The following TTC21B variants were observed in gnomAD, a reference collection of about 807,000 sequenced individuals.
TTC21B encodes the protein tetratricopeptide repeat domain 21B, also known as tetratricopeptide repeat protein 21B.
Under a neutral mutation model 175.1 loss-of-function variants are expected in TTC21B, and 127 were observed. The ratio of observed to expected loss-of-function variants is 0.73; its 90% CI spans 0.63 to 0.84. The LOEUF is 0.84. TTC21B is among the 40% of genes least tolerant of loss of function. The pLI, the probability that TTC21B is intolerant of heterozygous loss-of-function variation, is 0.00. For missense variants in TTC21B, 1,561 were observed against 1,558.3 expected, an observed-to-expected ratio of 1.00 and a Z score of -0.03; for synonymous variants, 524 against 524.5, an observed-to-expected ratio of 1.00 and a Z score of 0.01.
At chr2:165,923,186 T>C (rs116371732) in intron 12 of TTC21B, among the ~76,000 whole-genome samples, 1 of 151,988 alleles carries the variant, frequency 6.6e-6, no homozygotes, top group Admixed American at 6.5e-5. Context: ...TTCAGCACTA[T>C]ACAATTCATC....
chr2:165,951,313 C>G (rs189537170), intron 1 of TTC21B, among the ~76,000 whole-genome samples: 4 of 152,164 alleles, frequency 2.6e-5, no homozygotes, highest in Admixed American at 2.6e-4. Context: ...CTTACAACGC[C>G]TCAGTCTGCT....
intron 26 of TTC21B, among the ~76,000 whole-genome samples, chr2:165,883,516 A>G (rs932740175): frequency 6.6e-6 from 1 of 152,256 alleles, no homozygotes; most frequent in African/African-American, 2.4e-5. Context: ...GGATAATCAC[A>G]GGCAATCGTT....
chr2:165,930,050 G>T, intron 9 of TTC21B, 122 bp downstream of exon 9: 1 of 871,952 alleles, frequency 1.1e-6, no homozygotes, highest in South Asian at 1.5e-5. Context: ...TCGAGTGTGG[G>T]CAGTAGAGAA....
intron 22 of TTC21B, among the ~76,000 whole-genome samples, chr2:165,896,176 A>G (rs113462170): frequency 0.018 from 2,800 of 152,100 alleles, 80 homozygotes; most frequent in African/African-American, 0.063. Flanking sequence ...GGGGTTTAGA[A>G]GAACTGAAAC....
chr2:165,929,837 CT>C, intron 9 of TTC21B, 90 bp from the exon 10 acceptor site: 1 of 869,224 alleles, frequency 1.2e-6, no homozygotes, highest in Non-Finnish European at 1.9e-6. Flanking sequence ...ATAAAACACC[CT>C]TTCCCCCATC....
At position 165,941,162 on chromosome 2, in the gene TTC21B, T is replaced by C. The variant is rs769057187; in HGVS notation, c.575A>G (p.Gln192Arg). Residue 192 changes from glutamine to arginine, a missense_variant, in exon 6 of 29, where the codon CAG becomes CGG. By Grantham distance (43) the Gln-to-Arg change is conservative. Transcript: ENST00000243344. ...LGKAQCLEMR[Q>R]NYSGALETVN... ...AGTCTCCAGGGCACCTGAATAATTCTGGCGCATCTCAAGGCATTGTGCCTA... is the reference window on the plus strand; with the variant it reads ...AGTCTCCAGGGCACCTGAATAATTCCGGCGCATCTCAAGGCATTGTGCCTA... 11 of 1,613,832 alleles carry C rather than the reference T, an allele frequency of 6.8e-6. No homozygotes were observed. The African/African-American group carries it at 1.3e-4, about 20-fold the overall frequency.
rs1687436733 is a variant in TTC21B, at chr2:165,943,299, C to T, written c.472G>A (p.Glu158Lys). The T allele has an allele frequency of 6.2e-7, 1 of 1,611,174 alleles. No individual in the cohort carries two copies. The highest frequency in any genetic ancestry group is 1.3e-5 in the African/African-American group (1 of 74,858). ...KAWLDITRGK[E>K]PYTKKALKYF... ...TTCAGTGCTTTTTTAGTGTAAGGCT[C>T]TTTTCCTCTTGTAATATCAAGCCAT... Residue 158 changes from glutamate (E) to lysine (K), a missense_variant, in exon 5 of 29, where the codon GAG (glutamate) becomes AAG (lysine). Coordinates refer to ENST00000243344, the MANE Select transcript of TTC21B (RefSeq NM_024753.5).
chr2:165,888,727 T>C (rs1036346041), intron 24 of TTC21B, among the ~76,000 whole-genome samples: 2 of 152,178 alleles, frequency 1.3e-5, no homozygotes, highest in African/African-American at 4.8e-5. Context: ...TCCTCTAGAA[T>C]GAAGACAAAA....
At chr2:165,943,067 T>C in intron 5 of TTC21B, 152 bp downstream of exon 5, 1 of 732,020 alleles carries the variant, frequency 1.4e-6, no homozygotes. Flanking sequence ...TTGCTCATTG[T>C]CCTACACAAA....
At chr2:165,930,786 T>A (rs796435583) in intron 8 of TTC21B, among the ~76,000 whole-genome samples, 2 of 135,478 alleles carry the variant, frequency 1.5e-5, no homozygotes, top group African/African-American at 5.2e-5. Flanking sequence ...GTATGCTTTT[T>A]CTTATTGAAT....
chr2:165,900,001 T>TAAA, intron 20 of TTC21B, 121 bp from the exon 21 acceptor site: 1 of 127,970 alleles, frequency 7.8e-6, no homozygotes, highest in Non-Finnish European at 1.4e-5. Flanking sequence ...ATGCCAAGTA[T>TAAA]AATAGACAAA....
chr2:165,896,237 T>C (rs1358737271), intron 22 of TTC21B, among the ~76,000 whole-genome samples: 1 of 152,092 alleles, frequency 6.6e-6, no homozygotes, highest in Non-Finnish European at 1.5e-5. Flanking sequence ...GTAACACAGG[T>C]AGTAACATAC....
intron 11 of TTC21B, 76 bp downstream of exon 11, chr2:165,929,059 T>C (rs764947834): frequency 7.4e-7 from 1 of 1,356,264 alleles, no homozygotes; most frequent in Non-Finnish European, 1.0e-6. Flanking sequence ...GTCTAATGCA[T>C]CAAAGAAAAC....
At chr2:165,908,984 A>T (rs1402036349) in intron 18 of TTC21B, among the ~76,000 whole-genome samples, 1 of 152,196 alleles carries the variant, frequency 6.6e-6, no homozygotes, top group African/African-American at 2.4e-5. Context: ...CCAAAAGATC[A>T]TTTTGAAAAT....
intron 24 of TTC21B, among the ~76,000 whole-genome samples, chr2:165,889,909 G>T (rs974528098): frequency 1.3e-5 from 2 of 152,008 alleles, no homozygotes; most frequent in African/African-American, 4.8e-5. Context: ...CACAAGCCTT[G>T]CCTGAGTCAG....
Position 165,941,191 on chromosome 2 carries a change from G to A in TTC21B, c.553-7C>T, listed in dbSNP as rs1310736795. 1.2e-6 allele frequency: 2 copies of A among 1,613,700 alleles called. No individual in the cohort carries two copies. The highest frequency in any genetic ancestry group is 1.7e-6 in the Non-Finnish European group (2 of 1,179,730). On this transcript the variant is annotated splice_polypyrimidine_tract_variant and splice_region_variant and intron_variant, in intron 5 of 28. Transcript: ENST00000243344. ...GCATCTCAAGGCATTGTGCCTAATGGAAGGGAAAAAAAGTGATATCCAAAC... is the reference window on the plus strand; with the variant it reads ...GCATCTCAAGGCATTGTGCCTAATGAAAGGGAAAAAAAGTGATATCCAAAC...
At chr2:165,929,505 T>C in intron 10 of TTC21B, 145 bp downstream of exon 10, 1 of 895,846 alleles carries the variant, frequency 1.1e-6, no homozygotes, top group Non-Finnish European at 1.7e-6. Flanking sequence ...AGTTTAGTTT[T>C]GAATGGAGGT....
At chr2:165,919,504 G>A in intron 12 of TTC21B, 71 bp from the exon 13 acceptor site, 1 of 1,516,614 alleles carries the variant, frequency 6.6e-7, no homozygotes. Context: ...GGAAGAGGAA[G>A]AAGAGTGTTT....
At chr2:165,896,124 TG>T (rs1685354055) in intron 22 of TTC21B, among the ~76,000 whole-genome samples, 1 of 152,048 alleles carries the variant, frequency 6.6e-6, no homozygotes, top group South Asian at 2.1e-4. Context: ...TCTGAGGCTC[TG>T]AGCACAGATG....
Sources: gnomAD v4.1 joint callset for allele counts (sites outside exome capture counted in the v4.1 genomes callset) on GRCh38, gnomAD v4.1.1 for gene constraint, MANE v1.5 for transcripts, NCBI Gene and HGNC (gene_info 2026-07-23, HGNC 2026-07-21) for gene names.